PPTC7: variants seen among roughly 807,000 people sequenced by gnomAD.
PPTC7 encodes the protein protein phosphatase targeting COQ7.
In PPTC7, 6 loss-of-function variants were observed where a neutral mutation model predicts 30.8. That is an observed-to-expected ratio of 0.19 (90% CI 0.11 to 0.38). The LOEUF (loss-of-function observed/expected upper bound fraction) is 0.38. PPTC7 is among the 10% of genes least tolerant of loss of function. The probability of loss-of-function intolerance (pLI) is 1.00; values close to 1 mark genes in which losing one functional copy is unlikely to be tolerated. For missense variants in PPTC7, 218 were observed against 404.8 expected (o/e 0.54, Z 3.96); for synonymous variants, 163 against 168.1 (o/e 0.97, Z 0.23).
Position 110,583,088 on chromosome 12 carries a change from G to A in PPTC7, c.-57C>T. The A allele has an allele frequency of 7.7e-7, 1 of 1,300,018 alleles. No homozygotes were observed. The highest frequency in any genetic ancestry group is 2.0e-5 in the South Asian group (1 of 51,018). The allele number at this position is 1,300,018 out of a possible 1,614,324, so 80.5% of individuals were successfully genotyped here. A position where few individuals can be genotyped will look rare whatever the true frequency, so the allele number is the denominator to read the frequency against. On this transcript the variant is annotated 5_prime_UTR_variant, in exon 1 of 6. Transcript: ENST00000354300. The stretch of plus-strand genomic sequence containing the variant: ...GCCGGGGGAGCAGGAGGACGCGGAG[G>A]CCCGGAGCCGGCTCTCTCCTCAGCC...
At chr12:110,552,045 A>G (rs1052577609) in intron 1 of PPTC7, 77 bp from the exon 2 acceptor site, 25 of 1,238,120 alleles carry the variant, frequency 2.0e-5, no homozygotes, top group Non-Finnish European at 2.8e-5. Context: ...GTTTTCTCCT[A>G]ACAGTTAATT....
chr12:110,555,962 C>G (rs1299385519), intron 1 of PPTC7, among the ~76,000 whole-genome samples: 1 of 152,212 alleles, frequency 6.6e-6, no homozygotes, highest in East Asian at 1.9e-4. Flanking sequence ...CCACTGCCTG[C>G]TTCAGGGAAG....
At chr12:110,575,298 G>A (rs376038728) in intron 1 of PPTC7, among the ~76,000 whole-genome samples, 6 of 151,936 alleles carry the variant, frequency 3.9e-5, no homozygotes, top group Non-Finnish European at 5.9e-5. Context: ...ATAAAATACT[G>A]CTAACTTACT....
Position 110,560,409 on chromosome 12 carries a change from A to T in PPTC7, c.224-8441T>A, listed in dbSNP as rs550520181. 2.4e-3 allele frequency among the ~76,000 whole-genome samples: 360 copies of T among 149,002 alleles called. 5 individuals are homozygous for T. The highest frequency in any genetic ancestry group is 7.6e-3 in the African/African-American group (311 of 40,976). On this transcript the variant is annotated intron_variant, in intron 1 of 5. Transcript: ENST00000354300. ...AGAGCGAGACCCTGTCTCAAAAAAT[A>T]AAAAATAAAAAAAGGTAGTTATAAC... is the stretch of plus-strand genomic sequence containing the variant.
chr12:110,573,961 A>C (rs1038288383), intron 1 of PPTC7, among the ~76,000 whole-genome samples: 1 of 151,608 alleles, frequency 6.6e-6, no homozygotes, highest in African/African-American at 2.4e-5. Flanking sequence ...AGCCTGGGCA[A>C]CAAGAGCAAA....
chr12:110,567,098 T>C (rs900538927), intron 1 of PPTC7, among the ~76,000 whole-genome samples: 5 of 152,184 alleles, frequency 3.3e-5, no homozygotes, highest in African/African-American at 1.2e-4. Context: ...CCAGTGCCTT[T>C]ATAGCGATCT....
rs982236038 is a variant in PPTC7 at position 110,533,967 on chromosome 12, C to G, written c.*3070G>C. On this transcript the variant is annotated 3_prime_UTR_variant, in exon 6 of 6. Coordinates refer to ENST00000354300, the MANE Select transcript of PPTC7 (RefSeq NM_139283.2). ...TCTAATCTAGACACAGCCCAACCCC[C>G]AGACATGCATACCTGGAATGGATTC... 1.3e-5 allele frequency: 2 copies of G among 152,194 alleles called. No homozygotes were observed. Among genetic ancestry groups the G allele is most frequent in the African/African-American group, 2.4e-5 (1 of 41,440 alleles). The allele number at this position is 152,194 out of a possible 1,614,324, so 9.4% of individuals were successfully genotyped here.
intron 1 of PPTC7, among the ~76,000 whole-genome samples, chr12:110,577,397 G>C (rs1374082864): frequency 6.6e-6 from 1 of 152,030 alleles, no homozygotes; most frequent in Non-Finnish European, 1.5e-5. Flanking sequence ...AGGACTTCTT[G>C]AAAGACTGAA....
intron 3 of PPTC7, among the ~76,000 whole-genome samples, chr12:110,545,640 T>G (rs967998214): frequency 6.6e-6 from 1 of 152,386 alleles, no homozygotes; most frequent in East Asian, 1.9e-4. Context: ...TCTGTAAGCC[T>G]GAAATAGTAT....
chr12:110,578,214 T>C (rs1336280027), intron 1 of PPTC7, among the ~76,000 whole-genome samples: 3 of 152,192 alleles, frequency 2.0e-5, no homozygotes, highest in African/African-American at 7.2e-5. Flanking sequence ...TTGATTCTAT[T>C]GTTAAGTAGC....
In PPTC7 at chr12:110,582,554, C is replaced by T. The variant is rs1184067404; in HGVS notation, c.223+255G>A. The stretch of plus-strand genomic sequence containing the variant: ...GCTCTGGACTCGGACAGACCGGTCA[C>T]ACTCTCGGGTTGTGACCTTGAGCAC... On this transcript the variant is annotated intron_variant, in intron 1 of 5. Coordinates refer to ENST00000354300, the MANE Select transcript of PPTC7 (RefSeq NM_139283.2). 3.3e-5 allele frequency among the ~76,000 whole-genome samples: 5 copies of T among 152,322 alleles called. No individual in the cohort carries two copies. The East Asian group carries it at 9.7e-4, about 30-fold the overall frequency.
intron 1 of PPTC7, among the ~76,000 whole-genome samples, chr12:110,581,679 A>G (rs2064638399): frequency 6.6e-6 from 1 of 152,242 alleles, no homozygotes; most frequent in Non-Finnish European, 1.5e-5. Flanking sequence ...CAAACACTAC[A>G]TGTAGTAGAA....
chr12:110,557,841 G>A (rs1301967453), intron 1 of PPTC7, among the ~76,000 whole-genome samples: 1 of 152,154 alleles, frequency 6.6e-6, no homozygotes, highest in African/African-American at 2.4e-5. Context: ...ATGGCAGAAG[G>A]GGAAGCAAAC....
Position 110,545,871 on chromosome 12 carries a change from G to A in PPTC7, c.602+9C>T, listed in dbSNP as rs372759304. ...CTGCTCACACTTAATGGCTGAGAGG[G>A]GAGATTACCTGTCGCTCAAGACGAC... is the stretch of plus-strand genomic sequence containing the variant. On this transcript the variant is annotated intron_variant, in intron 3 of 5. Transcript: ENST00000354300. The A allele has an allele frequency of 2.4e-5, 39 of 1,612,694 alleles. No individual in the cohort carries two copies. Among genetic ancestry groups the A allele is most frequent in the Non-Finnish European group, 3.1e-5 (36 of 1,179,856 alleles).
At chr12:110,580,346 G>A (rs2064626236) in intron 1 of PPTC7, among the ~76,000 whole-genome samples, 1 of 152,062 alleles carries the variant, frequency 6.6e-6, no homozygotes, top group African/African-American at 2.4e-5. Context: ...AAATTTTATT[G>A]TATTTTTTTT....
At chr12:110,579,106 G>A (rs1436860826) in intron 1 of PPTC7, among the ~76,000 whole-genome samples, 1 of 151,612 alleles carries the variant, frequency 6.6e-6, no homozygotes, top group Admixed American at 6.6e-5. Flanking sequence ...CCAAAATCGT[G>A]CCACTGCACT....
intron 1 of PPTC7, among the ~76,000 whole-genome samples, chr12:110,558,907 A>G (rs1447992989): frequency 6.6e-6 from 1 of 151,964 alleles, no homozygotes; most frequent in Non-Finnish European, 1.5e-5. Context: ...TGCCCAGGCT[A>G]GTTTTATCTT....
At position 110,562,286 on chromosome 12, in the gene PPTC7, CAAAAAAAAAAAAAA is replaced by C. The variant is rs11319526; in HGVS notation, c.224-10332_224-10319del. ...TGGGCAACAGATTGAGACTCCATCTCAAAAAAAAAAAAAAAAAAAAAAAAAAAAAATCCAAAATG... is the reference window on the plus strand; with the variant it reads ...TGGGCAACAGATTGAGACTCCATCTCAAAAAAAAAAAAAAAATCCAAAATG... On this transcript the variant is annotated intron_variant, in intron 1 of 5. Coordinates refer to ENST00000354300, the MANE Select transcript of PPTC7 (RefSeq NM_139283.2). Among the ~76,000 whole-genome samples the C allele has an allele frequency of 2.6e-4, 9 of 34,730 alleles. No homozygotes were observed. The East Asian group carries it at 2.9e-3, about 11-fold the overall frequency. 22.8% of individuals were successfully genotyped at this position (34,730 alleles called of 152,430 possible).
At chr12:110,563,424 C>T (rs1401808789) in intron 1 of PPTC7, among the ~76,000 whole-genome samples, 1 of 152,138 alleles carries the variant, frequency 6.6e-6, no homozygotes, top group Non-Finnish European at 1.5e-5. Flanking sequence ...CAAGACCAGC[C>T]TGGCCAACAT....
Sources: gnomAD v4.1 joint callset for allele counts (sites outside exome capture counted in the v4.1 genomes callset) on GRCh38, gnomAD v4.1.1 for gene constraint, MANE v1.5 for transcripts, NCBI Gene and HGNC (gene_info 2026-07-23, HGNC 2026-07-21) for gene names.